Variants in MBOAT1 observed in about 807,000 individuals in gnomAD.
MBOAT1 encodes membrane bound glycerophospholipid O-acyltransferase 1.
In MBOAT1, 67 loss-of-function variants were observed where a neutral mutation model predicts 64.4. That is an observed-to-expected ratio of 1.04 (90% CI 0.85 to 1.27). MBOAT1 has a LOEUF of 1.27. Ranked by LOEUF, MBOAT1 falls within the 50% of genes most tolerant of loss-of-function variation. MBOAT1 has a pLI of 0.00. For synonymous variants in MBOAT1, 229 were observed against 218.9 expected, an observed-to-expected ratio of 1.05 and a Z score of -0.41; for missense variants, 563 against 604.6, an observed-to-expected ratio of 0.93 and a Z score of 0.72.
intron 1 of MBOAT1, among the ~76,000 whole-genome samples, chr6:20,156,470 C>T (rs1761690833): frequency 6.6e-6 from 1 of 152,124 alleles, no homozygotes; most frequent in Non-Finnish European, 1.5e-5. Context: ...CCATGGCAAA[C>T]TGCTCTAAAG....
chr6:20,133,309 A>G (rs1760886557), intron 4 of MBOAT1, among the ~76,000 whole-genome samples: 1 of 152,188 alleles, frequency 6.6e-6, no homozygotes, highest in Non-Finnish European at 1.5e-5. Context: ...GCTCTTTTAT[A>G]TTGAAAACAA....
chr6:20,108,461 G>A (rs1760024370), intron 12 of MBOAT1, among the ~76,000 whole-genome samples: 1 of 152,134 alleles, frequency 6.6e-6, no homozygotes, highest in South Asian at 2.1e-4. Context: ...GTAACAGCAT[G>A]GACTTCATTG....
At chr6:20,164,578 T>C (rs954323556) in intron 1 of MBOAT1, among the ~76,000 whole-genome samples, 1 of 152,196 alleles carries the variant, frequency 6.6e-6, no homozygotes, top group Non-Finnish European at 1.5e-5. Context: ...TTAAAGTGAC[T>C]GATTTTAGAA....
At chr6:20,176,564 T>C (rs542132741) in intron 1 of MBOAT1, among the ~76,000 whole-genome samples, 2 of 152,330 alleles carry the variant, frequency 1.3e-5, no homozygotes, top group South Asian at 4.1e-4. Context: ...ATAACAGTGC[T>C]GGCAAAGGAC....
Position 20,163,680 on chromosome 6 carries a change from G to A in MBOAT1, c.100-10911C>T, listed in dbSNP as rs138137113. ...AGGAACTGGAGCCCCGAGCCAGTAC[G>A]TGACCTGGCCTGGGTCACACAGCCT... is the stretch of plus-strand genomic sequence containing the variant. On this transcript the variant is annotated intron_variant, in intron 1 of 12. Coordinates refer to ENST00000324607, the MANE Select transcript of MBOAT1 (RefSeq NM_001080480.3). Among the ~76,000 whole-genome samples the A allele has an allele frequency of 2.3e-3, 352 of 152,232 alleles. 3 individuals are homozygous for A. The highest frequency in any genetic ancestry group is 7.4e-3 in the African/African-American group (307 of 41,528).
intron 1 of MBOAT1, among the ~76,000 whole-genome samples, chr6:20,158,155 CAA>C (rs759202735): frequency 4.3e-5 from 2 of 46,264 alleles, no homozygotes; most frequent in Admixed American, 3.0e-4. Flanking sequence ...GACTCTGACT[CAA>C]AAAAAAAAAG....
intron 1 of MBOAT1, among the ~76,000 whole-genome samples, chr6:20,195,068 A>C (rs1430215067): frequency 2.0e-5 from 3 of 151,678 alleles, no homozygotes; most frequent in Non-Finnish European, 4.4e-5. Flanking sequence ...TCCTCCCACC[A>C]TGGCCTCCTG....
chr6:20,194,438 T>C (rs565394548), intron 1 of MBOAT1, among the ~76,000 whole-genome samples: 212 of 152,354 alleles, frequency 1.4e-3, no homozygotes, highest in African/African-American at 4.8e-3. Context: ...TTTGATTACC[T>C]TGGCAGTTAT....
At chr6:20,199,350 A>G (rs955319846) in intron 1 of MBOAT1, among the ~76,000 whole-genome samples, 1 of 152,194 alleles carries the variant, frequency 6.6e-6, no homozygotes, top group South Asian at 2.1e-4. Context: ...TAAACTAACA[A>G]AACTGGTAAT....
At chr6:20,152,330 AAAAAAAAAT>A (rs1436700410) in intron 2 of MBOAT1, among the ~76,000 whole-genome samples, 3 of 82,636 alleles carry the variant, frequency 3.6e-5, no homozygotes, top group East Asian at 5.1e-4. Flanking sequence ...CCGTCTCAAA[AAAAAAAAAT>A]AAAAAATAAA....
chr6:20,131,288 G>A, intron 4 of MBOAT1, 89 bp from the exon 5 acceptor site: 1 of 1,164,316 alleles, frequency 8.6e-7, no homozygotes, highest in Non-Finnish European at 1.3e-6. Context: ...ATCTTGAATT[G>A]TAGTTCCCAT....
At position 20,108,995 on chromosome 6, in the gene MBOAT1, G is replaced by C. The variant is rs79262887; in HGVS notation, c.1361+603C>G. 8.8e-3 allele frequency among the ~76,000 whole-genome samples: 1,336 copies of C among 152,334 alleles called. 17 individuals are homozygous for C. The highest frequency in any genetic ancestry group is 0.031 in the African/African-American group (1,271 of 41,572). On this transcript the variant is annotated intron_variant, in intron 12 of 12. Coordinates refer to ENST00000324607, the MANE Select transcript of MBOAT1 (RefSeq NM_001080480.3). ...TACACATAACTGTGAAAGAATAAAA[G>C]TCAGCAATTAGAGGTTTGCAGTTCA... is the stretch of plus-strand genomic sequence containing the variant.
chr6:20,190,143 CG>C (rs1762765388), intron 1 of MBOAT1, among the ~76,000 whole-genome samples: 1 of 151,916 alleles, frequency 6.6e-6, no homozygotes, highest in African/African-American at 2.4e-5. Flanking sequence ...TACAGGCACC[CG>C]CCACCATGCC....
chr6:20,189,464 G>A lies in MBOAT1; in HGVS notation c.99+22672C>T, dbSNP rs115711666. Among the ~76,000 whole-genome samples, 529 of 152,024 alleles carry A rather than the reference G, an allele frequency of 3.5e-3. 4 individuals are homozygous for A. Among genetic ancestry groups the A allele is most frequent in the African/African-American group, 0.012 (504 of 41,450 alleles). ...GAGTGCAGTGGTTATTCACAGGTGC[G>A]ATCATAGCACACTACAGCCTTGAAC... On this transcript the variant is annotated intron_variant, in intron 1 of 12. Coordinates refer to ENST00000324607, the MANE Select transcript of MBOAT1 (RefSeq NM_001080480.3).
chr6:20,195,791 A>G (rs992172582), intron 1 of MBOAT1, among the ~76,000 whole-genome samples: 5 of 152,098 alleles, frequency 3.3e-5, no homozygotes, highest in African/African-American at 9.6e-5. Flanking sequence ...CTCAGATGCC[A>G]GAAATGCAAG....
At chr6:20,131,640 TTTCA>T (rs1023862944) in intron 4 of MBOAT1, among the ~76,000 whole-genome samples, 8 of 152,350 alleles carry the variant, frequency 5.3e-5, no homozygotes, top group African/African-American at 1.9e-4. Flanking sequence ...GGAAAGAAAC[TTTCA>T]TTCTATTTTT....
At chr6:20,152,566 G>T in intron 2 of MBOAT1, 58 bp downstream of exon 2, 2 of 1,540,982 alleles carry the variant, frequency 1.3e-6, no homozygotes, top group Non-Finnish European at 1.8e-6. Context: ...CAATTCCAAG[G>T]ACATTGCCAC....
At chr6:20,166,672 G>A (rs1034644119) in intron 1 of MBOAT1, among the ~76,000 whole-genome samples, 11 of 152,074 alleles carry the variant, frequency 7.2e-5, no homozygotes, top group African/African-American at 7.2e-5. Flanking sequence ...TCTGCCAGGC[G>A]TGATGCTATA....
chr6:20,203,417 A>C (rs1385071021), intron 1 of MBOAT1, among the ~76,000 whole-genome samples: 1 of 152,240 alleles, frequency 6.6e-6, no homozygotes, highest in Non-Finnish European at 1.5e-5. Context: ...ACATTTCACT[A>C]CCAGCAAGTG....
Sources: gnomAD v4.1 joint callset for allele counts (sites outside exome capture counted in the v4.1 genomes callset) on GRCh38, gnomAD v4.1.1 for gene constraint, MANE v1.5 for transcripts, NCBI Gene and HGNC (gene_info 2026-07-23, HGNC 2026-07-21) for gene names.